Variants in MEGF10 observed in about 807,000 individuals in gnomAD.
MEGF10 encodes the protein multiple EGF like domains 10.
A neutral mutation model predicts 147.5 loss-of-function variants in MEGF10; 86 were observed. That is an observed-to-expected ratio of 0.58 (90% CI 0.49 to 0.70). MEGF10 has a LOEUF of 0.70. Among genes scored for constraint, MEGF10 ranks in the 30% least tolerant of loss-of-function variants. The probability of loss-of-function intolerance (pLI) is 0.00; values close to 1 mark genes in which losing one functional copy is unlikely to be tolerated. For synonymous variants in MEGF10, 478 were observed against 525.5 expected, an observed-to-expected ratio of 0.91 and a Z score of 1.24; for missense variants, 1,329 against 1,487.3, an observed-to-expected ratio of 0.89 and a Z score of 1.75.
the MEGF10 span, among the ~76,000 whole-genome samples, chr5:127,247,407 GAAGAAGAAGAAGA>G: frequency 1.5e-5 from 1 of 65,300 alleles, no homozygotes; most frequent in Non-Finnish European, 2.9e-5. Context: ...AGAAGAAGAA[GAAGAAGAAGAAGA>G]AGAAGAAGAA....
intron 3 of MEGF10, among the ~76,000 whole-genome samples, chr5:127,340,221 G>T (rs1761626066): frequency 6.6e-6 from 1 of 152,056 alleles, no homozygotes; most frequent in African/African-American, 2.4e-5. Context: ...GTTTTTAAGG[G>T]AATTCTCTGA....
At chr5:127,260,840 C>T in the MEGF10 span, among the ~76,000 whole-genome samples, 1 of 152,258 alleles carries the variant, frequency 6.6e-6, no homozygotes, top group South Asian at 2.1e-4. Flanking sequence ...AGTCAGTGCT[C>T]AGGAACTTTA....
intron 23 of MEGF10, 146 bp downstream of exon 23, chr5:127,454,756 CAT>C (rs967084194): frequency 3.2e-5 from 21 of 656,446 alleles, no homozygotes; most frequent in African/African-American, 1.5e-4. Flanking sequence ...AACACACAAA[CAT>C]GTGTGACTGA....
Position 127,331,332 on chromosome 5 carries a change from C to A in MEGF10, c.24C>A (p.Cys8Ter), listed in dbSNP as rs750377600. 4 of 1,611,956 alleles carry A rather than the reference C, an allele frequency of 2.5e-6. No homozygotes were observed. Among genetic ancestry groups the A allele is most frequent in the East Asian group, 2.2e-5 (1 of 44,832 alleles). The change falls in exon 2 of 25, where the codon TGC becomes TGA. Residue 8 changes from cysteine (C) to a stop codon, truncating the protein, a stop_gained. Transcript: ENST00000503335. LOFTEE classifies it high-confidence loss of function. ...AAATGGTTATTTCTTTGAACTCATG[C>A]CTGAGCTTTATTTGTTTATTGTTAT... MVISLNS[C>*]LSFICLLLCH...
At chr5:127,384,125 G>A (rs1200325949) in intron 5 of MEGF10, among the ~76,000 whole-genome samples, 1 of 152,110 alleles carries the variant, frequency 6.6e-6, no homozygotes, top group African/African-American at 2.4e-5. Flanking sequence ...GGTCCTCTAT[G>A]TTCCCAGCAA....
intron 4 of MEGF10, 38 bp from the exon 5 acceptor site, chr5:127,369,872 G>T: frequency 1.9e-6 from 3 of 1,547,762 alleles, no homozygotes; most frequent in Admixed American, 3.6e-5. Context: ...TTTTTCTTGT[G>T]CCAACTTTCT....
chr5:127,247,405 A>G, the MEGF10 span, among the ~76,000 whole-genome samples: 4,143 of 54,368 alleles, frequency 0.076, 1,070 homozygotes, highest in Middle Eastern at 0.23. Flanking sequence ...GAAGAAGAAG[A>G]AGAAGAAGAA....
At chr5:127,396,497 C>A in intron 5 of MEGF10, 35 bp from the exon 6 acceptor site, 1 of 1,499,530 alleles carries the variant, frequency 6.7e-7, no homozygotes. Flanking sequence ...TCTCCCTTAC[C>A]CACTGATATC....
At chr5:127,437,961 T>C (rs1226942631) in intron 16 of MEGF10, among the ~76,000 whole-genome samples, 1 of 152,208 alleles carries the variant, frequency 6.6e-6, no homozygotes, top group African/African-American at 2.4e-5. Flanking sequence ...CCCAAAATTA[T>C]TGTCTTCCTT....
chr5:127,430,489 CACTT>C (rs1765356888), intron 13 of MEGF10, among the ~76,000 whole-genome samples: 2 of 152,302 alleles, frequency 1.3e-5, no homozygotes, highest in Admixed American at 1.3e-4. Context: ...CTTAGAGAAA[CACTT>C]ACCCAACACT....
the MEGF10 span, among the ~76,000 whole-genome samples, chr5:127,263,310 G>C: frequency 1.1e-4 from 17 of 149,444 alleles, no homozygotes; most frequent in East Asian, 2.1e-3. Context: ...GGATTCTCGG[G>C]GGGGGGGTAA....
At chr5:127,387,674 G>A (rs538530649) in intron 5 of MEGF10, among the ~76,000 whole-genome samples, 3 of 152,294 alleles carry the variant, frequency 2.0e-5, no homozygotes, top group East Asian at 1.9e-4. Flanking sequence ...CCACTCAAAC[G>A]CCAAGTGGCT....
intron 1 of MEGF10, chr5:127,300,123 T>G (rs1193723569): frequency 6.6e-6 from 1 of 152,212 alleles, no homozygotes; most frequent in African/African-American, 2.4e-5. Context: ...ACTAAATGGT[T>G]TTGCCAATGA....
chr5:127,307,131 A>G (rs1405406665), intron 1 of MEGF10, among the ~76,000 whole-genome samples: 1 of 152,202 alleles, frequency 6.6e-6, no homozygotes, highest in Non-Finnish European at 1.5e-5. Flanking sequence ...GAGTTCTGTT[A>G]GATAACCCAG....
intron 9 of MEGF10, among the ~76,000 whole-genome samples, chr5:127,412,823 G>C (rs1019873329): frequency 1.3e-5 from 2 of 152,162 alleles, no homozygotes; most frequent in African/African-American, 4.8e-5. Flanking sequence ...CTTGTGTTCA[G>C]CTGGCAGATC....
chr5:127,452,728 G>A (rs1427932458), intron 22 of MEGF10, among the ~76,000 whole-genome samples: 1 of 152,104 alleles, frequency 6.6e-6, no homozygotes, highest in African/African-American at 2.4e-5. Flanking sequence ...TGGGCCTCCG[G>A]GTGAACAAAA....
intron 4 of MEGF10, among the ~76,000 whole-genome samples, chr5:127,360,721 G>A (rs1436272158): frequency 1.3e-5 from 2 of 151,672 alleles, no homozygotes; most frequent in African/African-American, 4.8e-5. Context: ...CTAAATGCAG[G>A]CATCTTTTGA....
At chr5:127,373,452 C>A (rs1762917916) in intron 5 of MEGF10, among the ~76,000 whole-genome samples, 1 of 152,168 alleles carries the variant, frequency 6.6e-6, no homozygotes, top group African/African-American at 2.4e-5. Flanking sequence ...GCGCCCAACC[C>A]ATTGTGTCCC....
At chr5:127,295,600 A>G (rs139996264) in intron 1 of MEGF10, among the ~76,000 whole-genome samples, 254 of 152,342 alleles carry the variant, frequency 1.7e-3, no homozygotes, top group Non-Finnish European at 3.0e-3. Flanking sequence ...TTCTGCAAAA[A>G]TTGAACTATT....
Sources: allele counts gnomAD v4.1 joint callset (sites outside exome capture counted in the v4.1 genomes callset), GRCh38; gene constraint gnomAD v4.1.1; transcripts MANE v1.5; gene names NCBI Gene and HGNC (gene_info 2026-07-23, HGNC 2026-07-21).